Variants in ADCY2 observed in about 807,000 individuals in gnomAD.
ADCY2 encodes adenylate cyclase type 2.
Under a neutral mutation model 125.2 loss-of-function variants are expected in ADCY2, and 31 were observed. The observed-to-expected ratio is 0.25, with a 90% CI of 0.19 to 0.33. ADCY2 has a LOEUF of 0.33. ADCY2 is among the 10% of genes least tolerant of loss of function. The pLI, the probability that ADCY2 is intolerant of heterozygous loss-of-function variation, is 1.00. For missense variants in ADCY2, 904 were observed against 1,418.2 expected, an observed-to-expected ratio of 0.64 and a Z score of 5.82; for synonymous variants, 512 against 548.4, an observed-to-expected ratio of 0.93 and a Z score of 0.93.
chr5:7,732,561 C>A (rs73043520), intron 14 of ADCY2, among the ~76,000 whole-genome samples: 6,747 of 152,246 alleles, frequency 0.044, 496 homozygotes, highest in African/African-American at 0.15. Context: ...TATCTCATCT[C>A]TTTAAAGAAA....
intron 19 of ADCY2, among the ~76,000 whole-genome samples, chr5:7,787,048 C>T (rs1744104288): frequency 6.6e-6 from 1 of 152,172 alleles, no homozygotes; most frequent in Non-Finnish European, 1.5e-5. Context: ...GTTGATAGAG[C>T]CAGTGAAAAG....
chr5:7,693,750 T>C (rs1370471136), intron 5 of ADCY2, among the ~76,000 whole-genome samples: 1 of 152,198 alleles, frequency 6.6e-6, no homozygotes, highest in Non-Finnish European at 1.5e-5. Context: ...ATCCCTTTGC[T>C]GTAACATAAC....
Position 7,603,526 on chromosome 5 carries a change from A to G in ADCY2, c.571-22641A>G, listed in dbSNP as rs375268310. On this transcript the variant is annotated intron_variant, in intron 3 of 24. Transcript: ENST00000338316. Reference sequence around the variant, plus strand: ...TTTTTCCCTTGAAATATATAGGTGAATGCTGCTTAGAATGTGGTGGTGTAA... The same window carrying G: ...TTTTTCCCTTGAAATATATAGGTGAGTGCTGCTTAGAATGTGGTGGTGTAA... 1.2e-4 allele frequency among the ~76,000 whole-genome samples: 18 copies of G among 152,348 alleles called. No homozygotes were observed. The East Asian group carries it at 2.5e-3, about 21-fold the overall frequency.
chr5:7,650,434 C>T (rs745496897), intron 4 of ADCY2, among the ~76,000 whole-genome samples: 1 of 151,954 alleles, frequency 6.6e-6, no homozygotes, highest in Non-Finnish European at 1.5e-5. Flanking sequence ...GAATTAGATT[C>T]GATTAAGTAA....
intron 3 of ADCY2, among the ~76,000 whole-genome samples, chr5:7,599,539 C>G (rs1737125926): frequency 6.6e-6 from 1 of 152,074 alleles, no homozygotes; most frequent in African/African-American, 2.4e-5. Flanking sequence ...GTGAGGCCAC[C>G]AGGTAGATAG....
chr5:7,709,347 G>C lies in ADCY2; in HGVS notation c.1538G>C (p.Arg513Thr). ...AAKPFAHLHH[R>T]DSMTTENGKI... is the part of the protein sequence containing the mutation. ...AAGCCCTTTGCACACCTACATCACA[G>C]GGACAGCATGACCACAGAGAACGGC... Residue 513 changes from arginine to threonine, a missense_variant, in exon 10 of 25, where the codon AGG (arginine) becomes ACG (threonine). By Grantham distance (71) the Arg-to-Thr change is moderately conservative (BLOSUM62 -1). This residue lies in a region of ADCY2 where 144 missense variants were observed against 227.7 expected (regional missense o/e 0.63). Coordinates refer to ENST00000338316, the MANE Select transcript of ADCY2 (RefSeq NM_020546.3). This position sits in a 1 kb window ranked among gnomAD's most constrained non-coding sequence, Gnocchi z 4.4. 2 of 1,611,780 alleles carry C rather than the reference G, an allele frequency of 1.2e-6. No homozygotes were observed. Among genetic ancestry groups the C allele is most frequent in the Non-Finnish European group, 1.7e-6 (2 of 1,179,012 alleles).
intron 1 of ADCY2, among the ~76,000 whole-genome samples, chr5:7,401,051 C>T (rs1257399190): frequency 1.3e-5 from 2 of 152,142 alleles, no homozygotes; most frequent in East Asian, 1.9e-4. Flanking sequence ...TGTCCATTTC[C>T]ACTTCTGTGA....
chr5:7,556,056 A>G (rs890638671), intron 3 of ADCY2, among the ~76,000 whole-genome samples: 10 of 152,186 alleles, frequency 6.6e-5, no homozygotes, highest in Admixed American at 1.3e-4. Flanking sequence ...TCACAACCAC[A>G]TATACCACTT....
At chr5:7,479,460 G>C (rs1742643318) in intron 2 of ADCY2, among the ~76,000 whole-genome samples, 1 of 151,838 alleles carries the variant, frequency 6.6e-6, no homozygotes, top group Non-Finnish European at 1.5e-5. Context: ...TTTAATTTTT[G>C]TGGGTACATA....
rs568295791 is a variant in ADCY2, at chr5:7,613,272, A to G, written c.571-12895A>G. 2.0e-5 allele frequency among the ~76,000 whole-genome samples: 3 copies of G among 152,318 alleles called. No individual in the cohort carries two copies. In the South Asian group the frequency reaches 6.2e-4, roughly 32 times the overall value. On this transcript the variant is annotated intron_variant, in intron 3 of 24. Transcript: ENST00000338316. ...GAAACCAGAGATGGAGAAGGCACAA[A>G]TAGCTCAACTACAGAAATGCAGGCT... is the stretch of plus-strand genomic sequence containing the variant.
At chr5:7,474,887 A>G (rs1742462256) in intron 2 of ADCY2, among the ~76,000 whole-genome samples, 1 of 152,212 alleles carries the variant, frequency 6.6e-6, no homozygotes. Flanking sequence ...TTAAGAGAAA[A>G]TAACTCGGAT....
rs1730996328 is a variant in ADCY2 at position 7,829,127 on chromosome 5, GC to G, written c.*2258del. 3 of 152,268 alleles carry G rather than the reference GC, an allele frequency of 2.0e-5. No individual in the cohort carries two copies. The highest frequency in any genetic ancestry group is 1.3e-4 in the Admixed American group (2 of 15,278). 9.4% of individuals were successfully genotyped at this position (152,268 alleles called of 1,614,324 possible). On this transcript the variant is annotated 3_prime_UTR_variant, in exon 25 of 25. Transcript: ENST00000338316. The stretch of plus-strand genomic sequence containing the variant: ...TTCTAGGTGTGGTCCCATAGGAGCA[GC>G]CTTAGCATCCCCTGTGAACTTATCA...
At chr5:7,415,665 C>T (rs1319490669) in intron 2 of ADCY2, among the ~76,000 whole-genome samples, 2 of 152,144 alleles carry the variant, frequency 1.3e-5, no homozygotes, top group African/African-American at 4.8e-5. Context: ...CTGAAAAACC[C>T]ACATTCATTC....
intron 3 of ADCY2, among the ~76,000 whole-genome samples, chr5:7,623,159 G>A (rs1738012550): frequency 6.6e-6 from 1 of 152,176 alleles, no homozygotes; most frequent in Admixed American, 6.5e-5. Context: ...GCTTCATTCA[G>A]TTCTGTTGCT....
At chr5:7,695,993 G>T in intron 6 of ADCY2, 130 bp downstream of exon 6, 1 of 583,748 alleles carries the variant, frequency 1.7e-6, no homozygotes, top group South Asian at 2.6e-5. Context: ...AGAAGTTGTT[G>T]GATTTCTTTG....
chr5:7,629,741 G>A (rs1015664861), intron 4 of ADCY2, among the ~76,000 whole-genome samples: 7 of 152,188 alleles, frequency 4.6e-5, no homozygotes, highest in Non-Finnish European at 7.3e-5. Context: ...CCTGAGCACC[G>A]TGTAGTGTGG....
rs577307811 is a variant in ADCY2, at chr5:7,643,588, A to T, written c.720+17272A>T. Among the ~76,000 whole-genome samples the T allele has an allele frequency of 2.0e-5, 3 of 151,594 alleles. No individual in the cohort carries two copies. In the East Asian group the frequency reaches 5.8e-4, roughly 29 times the overall value. ...TTTTTTCCACAATAAAATTTATAAC[A>T]CCTTAACAATATTTTGGTGATTTTT... On this transcript the variant is annotated intron_variant, in intron 4 of 24. Coordinates refer to ENST00000338316, the MANE Select transcript of ADCY2 (RefSeq NM_020546.3).
At chr5:7,784,476 T>C (rs1560990983) in intron 19 of ADCY2, 27 bp downstream of exon 19, 1 of 1,540,318 alleles carries the variant, frequency 6.5e-7, no homozygotes, top group African/African-American at 1.4e-5. Context: ...TATATATGTA[T>C]GTATACCTTC....
intron 22 of ADCY2, among the ~76,000 whole-genome samples, chr5:7,812,065 G>C (rs1473896082): frequency 6.6e-6 from 1 of 152,162 alleles, no homozygotes; most frequent in African/African-American, 2.4e-5. Context: ...AGATTAGAGG[G>C]ATCCTGCCAA....
Sources: allele counts gnomAD v4.1 joint callset (sites outside exome capture counted in the v4.1 genomes callset), GRCh38; gene constraint gnomAD v4.1.1; regional missense constraint gnomAD v4.1.1; non-coding constraint Gnocchi (gnomAD v3.1); transcripts MANE v1.5; gene names NCBI Gene and HGNC (gene_info 2026-07-23, HGNC 2026-07-21).